MTX2: variants seen among roughly 807,000 people sequenced by gnomAD.
MTX2 encodes the protein metaxin-2.
A neutral mutation model predicts 42.3 loss-of-function variants in MTX2; 35 were observed. The observed-to-expected ratio is 0.83, with a 90% CI of 0.63 to 1.10. MTX2 has a LOEUF of 1.10. MTX2 is among the 50% of genes least tolerant of loss of function. The pLI, the probability that MTX2 is intolerant of heterozygous loss-of-function variation, is 0.00. For synonymous variants in MTX2, 119 were observed against 100.9 expected (o/e 1.18, Z -1.08); for missense variants, 307 against 304.1 (o/e 1.01, Z -0.07).
At chr2:176,321,284 C>T (rs1684577366) in intron 3 of MTX2, among the ~76,000 whole-genome samples, 2 of 152,204 alleles carry the variant, frequency 1.3e-5, no homozygotes, top group South Asian at 4.1e-4. Context: ...GTGGGTCAGT[C>T]AGGAAGCTCA....
rs869158492 is a variant in MTX2, at chr2:176,282,697, C to CT, written c.40+13040dup. On this transcript the variant is annotated intron_variant, in intron 1 of 9. Transcript: ENST00000249442. Reference sequence around the variant, plus strand: ...CTTTATAGGGTACTTAGTTTATCTACTTTTTTTTTTTTGTTTTTTTTTTTG... The same window carrying CT: ...CTTTATAGGGTACTTAGTTTATCTACTTTTTTTTTTTTTGTTTTTTTTTTTG... 4.4e-3 allele frequency among the ~76,000 whole-genome samples: 626 copies of CT among 143,690 alleles called. 3 individuals are homozygous for CT. The highest frequency in any genetic ancestry group is 0.012 in the African/African-American group (464 of 39,900). 94.3% of individuals were successfully genotyped at this position (143,690 alleles called of 152,430 possible).
intron 1 of MTX2, among the ~76,000 whole-genome samples, chr2:176,278,341 G>C (rs1267300914): frequency 6.6e-6 from 1 of 152,010 alleles, no homozygotes; most frequent in Non-Finnish European, 1.5e-5. Context: ...GTGAGCCACT[G>C]CACCTGGCCA....
chr2:176,297,992 A>G lies in MTX2; in HGVS notation c.135+97A>G. 4 of 786,558 alleles carry G rather than the reference A, an allele frequency of 5.1e-6. No homozygotes were observed. In the South Asian group the frequency reaches 1.3e-4, roughly 25 times the overall value. 48.7% of individuals were successfully genotyped at this position (786,558 alleles called of 1,614,324 possible). ...TTTTTCCCCTTCCAAAATGTCTGAT[A>G]CTATATGTTTAGATTTTTTTCTGTG... On this transcript the variant is annotated intron_variant, in intron 3 of 9. Coordinates refer to ENST00000249442, the MANE Select transcript of MTX2 (RefSeq NM_006554.5).
chr2:176,299,153 G>T (rs754901826), intron 3 of MTX2, among the ~76,000 whole-genome samples: 3 of 151,990 alleles, frequency 2.0e-5, no homozygotes, highest in South Asian at 2.1e-4. Flanking sequence ...GTTTTTGCTC[G>T]TCAAAACGGT....
chr2:176,279,542 G>T (rs1399348000), intron 1 of MTX2, among the ~76,000 whole-genome samples: 2 of 152,006 alleles, frequency 1.3e-5, no homozygotes, highest in East Asian at 1.9e-4. Context: ...AAAAGATTAT[G>T]TCTTTATGAG....
chr2:176,282,630 A>G (rs1693107417), intron 1 of MTX2, among the ~76,000 whole-genome samples: 1 of 151,862 alleles, frequency 6.6e-6, no homozygotes, highest in African/African-American at 2.4e-5. Flanking sequence ...TCTAATGTGT[A>G]TATTAAGAAT....
chr2:176,278,115 A>T (rs1435409114), intron 1 of MTX2, among the ~76,000 whole-genome samples: 2 of 121,282 alleles, frequency 1.6e-5, no homozygotes, highest in Non-Finnish European at 3.1e-5. Flanking sequence ...CAGTGGGGTG[A>T]TCTCAGCTCA....
At chr2:176,334,122 C>T (rs1365565643) in intron 9 of MTX2, among the ~76,000 whole-genome samples, 1 of 151,632 alleles carries the variant, frequency 6.6e-6, no homozygotes, top group Non-Finnish European at 1.5e-5. Context: ...AATTCAGTAC[C>T]TCTGGAGTTA....
rs1433766149 is a variant in MTX2 at position 176,326,886 on chromosome 2, A to G, written c.270A>G (p.Gln90=). 3.2e-6 allele frequency: 5 copies of G among 1,558,644 alleles called. No homozygotes were observed. The highest frequency in any genetic ancestry group is 4.4e-6 in the Non-Finnish European group (5 of 1,142,520). The change falls in exon 5 of 10, where the codon CAA becomes CAG. Residue 90 remains glutamine (Q), a synonymous_variant. Coordinates refer to ENST00000249442, the MANE Select transcript of MTX2 (RefSeq NM_006554.5). ...QVVSELGPIV[Q]FVKAKGHSLS... ...TATCAGAACTTGGTCCAATAGTCCA[A>G]TTTGTTAAAGCCAAGGTAATAAAAA...
At chr2:176,331,044 G>C (rs1353422250) in intron 9 of MTX2, among the ~76,000 whole-genome samples, 1 of 151,106 alleles carries the variant, frequency 6.6e-6, no homozygotes, top group Non-Finnish European at 1.5e-5. Flanking sequence ...TAGAATGATA[G>C]CTGGAGGATT....
chr2:176,302,072 A>G (rs534682273), intron 3 of MTX2, among the ~76,000 whole-genome samples: 265 of 151,838 alleles, frequency 1.7e-3, no homozygotes, highest in Admixed American at 3.7e-3. Context: ...CTTTCTAGTA[A>G]GTTTTAGAAA....
At chr2:176,279,280 T>C (rs1368338884) in intron 1 of MTX2, among the ~76,000 whole-genome samples, 1 of 152,154 alleles carries the variant, frequency 6.6e-6, no homozygotes, top group African/African-American at 2.4e-5. Flanking sequence ...TACCCCCACA[T>C]CATATTTTAT....
chr2:176,301,508 G>T (rs1684022562), intron 3 of MTX2, among the ~76,000 whole-genome samples: 1 of 152,110 alleles, frequency 6.6e-6, no homozygotes, highest in Admixed American at 6.6e-5. Context: ...ACCCTATGAG[G>T]TAGGTACTAT....
chr2:176,270,790 G>A (rs1204539305), intron 1 of MTX2, among the ~76,000 whole-genome samples: 3 of 151,994 alleles, frequency 2.0e-5, no homozygotes, highest in Non-Finnish European at 4.4e-5. Flanking sequence ...TGAAAGTAGG[G>A]ATCAAACTTG....
In MTX2 at chr2:176,269,621, C is replaced by T. The variant is rs745666706; in HGVS notation, c.-9C>T. On this transcript the variant is annotated 5_prime_UTR_variant, in exon 1 of 10. Transcript: ENST00000249442. ...GGCAGGCACCCGGGCGCCGGGCCTCCCAGCCGACATGTCTCTAGTGGCGGA... is the reference window on the plus strand; with the variant it reads ...GGCAGGCACCCGGGCGCCGGGCCTCTCAGCCGACATGTCTCTAGTGGCGGA... 6.3e-7 allele frequency: 1 copy of T among 1,588,986 alleles called. No homozygotes were observed. The highest frequency in any genetic ancestry group is 1.3e-5 in the African/African-American group (1 of 74,388).
At chr2:176,316,736 C>T (rs957269919) in intron 3 of MTX2, among the ~76,000 whole-genome samples, 12 of 151,996 alleles carry the variant, frequency 7.9e-5, no homozygotes, top group South Asian at 4.1e-4. Context: ...ATAAATATTC[C>T]GTTGATGGAT....
intron 1 of MTX2, among the ~76,000 whole-genome samples, chr2:176,283,554 A>G (rs780990326): frequency 4.6e-5 from 7 of 152,174 alleles, no homozygotes; most frequent in Admixed American, 3.3e-4. Context: ...AATTTGTTCT[A>G]TAACTAGCTG....
chr2:176,320,383 C>T (rs1684553912), intron 3 of MTX2, among the ~76,000 whole-genome samples: 1 of 152,104 alleles, frequency 6.6e-6, no homozygotes, highest in South Asian at 2.1e-4. Context: ...ACTATATTTA[C>T]TATTTTATAC....
At chr2:176,288,741 T>C (rs968775998) in intron 1 of MTX2, among the ~76,000 whole-genome samples, 1 of 151,870 alleles carries the variant, frequency 6.6e-6, no homozygotes, top group African/African-American at 2.4e-5. Flanking sequence ...TATTAGTGCC[T>C]ATTATTCTGG....
Sources: allele counts gnomAD v4.1 joint callset (sites outside exome capture counted in the v4.1 genomes callset), GRCh38; gene constraint gnomAD v4.1.1; transcripts MANE v1.5; gene names NCBI Gene and HGNC (gene_info 2026-07-23, HGNC 2026-07-21).